CNTNAP5: variants seen among roughly 807,000 people sequenced by gnomAD.
The protein encoded by CNTNAP5 is contactin-associated protein-like 5.
CNTNAP5 carries 72 observed loss-of-function variants against 150.2 expected under a neutral mutation model. The ratio of observed to expected loss-of-function variants is 0.48; its 90% CI spans 0.40 to 0.58. The LOEUF is 0.58. Among genes scored for constraint, CNTNAP5 ranks in the 20% least tolerant of loss-of-function variants. CNTNAP5 has a pLI of 0.00. For missense variants in CNTNAP5, 1,636 were observed against 1,626.2 expected, an observed-to-expected ratio of 1.01 and a Z score of -0.10; for synonymous variants, 672 against 619.8, an observed-to-expected ratio of 1.08 and a Z score of -1.25.
intron 3 of CNTNAP5, among the ~76,000 whole-genome samples, chr2:124,284,502 C>G (rs1337291142): frequency 2.0e-5 from 3 of 151,970 alleles, no homozygotes; most frequent in Non-Finnish European, 4.4e-5. Flanking sequence ...ATAGCTAATG[C>G]GTGTGGGGCT....
chr2:124,665,810 C>G (rs1394971540), intron 13 of CNTNAP5, among the ~76,000 whole-genome samples: 1 of 150,910 alleles, frequency 6.6e-6, no homozygotes, highest in South Asian at 2.1e-4. Context: ...GGCGGGAACC[C>G]GGGAGGAAGA....
intron 13 of CNTNAP5, among the ~76,000 whole-genome samples, chr2:124,745,710 C>T (rs1680590341): frequency 2.0e-5 from 3 of 152,180 alleles, no homozygotes; most frequent in Non-Finnish European, 4.4e-5. Flanking sequence ...TTAAAGATGA[C>T]ATAGGAATTG....
chr2:124,115,097 C>A (rs1280870836), intron 1 of CNTNAP5, among the ~76,000 whole-genome samples: 1 of 151,828 alleles, frequency 6.6e-6, no homozygotes, highest in Admixed American at 6.6e-5. Flanking sequence ...TATATAAAAT[C>A]AAGGATTCTA....
chr2:124,422,245 G>C lies in CNTNAP5; in HGVS notation c.529+4655G>C, dbSNP rs376983316. 3.9e-5 allele frequency among the ~76,000 whole-genome samples: 6 copies of C among 152,252 alleles called. No individual in the cohort carries two copies. In the South Asian group the frequency reaches 1.2e-3, roughly 32 times the overall value. ...ATAATTTTTCCAAAAGTTTAGTTGA[G>C]TATGTTGCTAAAGATTGGTAGAATT... On this transcript the variant is annotated intron_variant, in intron 4 of 23. Coordinates refer to ENST00000682447, the MANE Select transcript of CNTNAP5 (RefSeq NM_001367498.1).
chr2:124,907,589 CTATATT>C (rs1048611513), intron 22 of CNTNAP5, among the ~76,000 whole-genome samples: 67 of 148,156 alleles, frequency 4.5e-4, no homozygotes, highest in African/African-American at 1.6e-3. Flanking sequence ...ATATCTATAT[CTATATT>C]TATAGATCAA....
At chr2:124,201,214 C>T (rs1173396351) in intron 1 of CNTNAP5, among the ~76,000 whole-genome samples, 1 of 152,210 alleles carries the variant, frequency 6.6e-6, no homozygotes, top group Non-Finnish European at 1.5e-5. Flanking sequence ...AAGGACTTCT[C>T]TCTCAGCCTG....
intron 1 of CNTNAP5, among the ~76,000 whole-genome samples, chr2:124,109,545 C>T (rs912626151): frequency 1.2e-4 from 19 of 152,184 alleles, no homozygotes; most frequent in Non-Finnish European, 2.5e-4. Flanking sequence ...AAGTTGTGGT[C>T]CTTCAGGGAA....
chr2:124,027,640 A>T (rs1680933330), intron 1 of CNTNAP5, among the ~76,000 whole-genome samples: 1 of 152,232 alleles, frequency 6.6e-6, no homozygotes, highest in African/African-American at 2.4e-5. Context: ...ATCATTACCG[A>T]TGTAGTAATA....
At position 124,242,228 on chromosome 2, in the gene CNTNAP5, C is replaced by G. The variant is rs373476119; in HGVS notation, c.216C>G (p.Ser72=). 34 of 1,597,164 alleles carry G rather than the reference C, an allele frequency of 2.1e-5. No homozygotes were observed. Among genetic ancestry groups the G allele is most frequent in the Non-Finnish European group, 2.8e-5 (33 of 1,170,992 alleles). The change falls in exon 3 of 24, where the codon TCC becomes TCG. Residue 72 remains serine (S), a synonymous_variant. Coordinates refer to ENST00000682447, the MANE Select transcript of CNTNAP5 (RefSeq NM_001367498.1). ...CTGGCGGTTGGTCCCCAGCAGATTC[C>G]AATGCTCAACAGTGGCTCCAGATGG... ...VGTGGWSPAD[S]NAQQWLQMDL...
chr2:124,504,369 G>C lies in CNTNAP5; in HGVS notation c.1140G>C (p.Leu380=). ...TCAACTCCAGCGGCAGCTATTTGCT[G>C]CTGCCCGGCACCCCCCAAATTGATG... ...TFVNSSGSYL[L]LPGTPQIDGL... Residue 380 remains leucine (L), a synonymous_variant, in exon 8 of 24, where the codon CTG becomes CTC. Coordinates refer to ENST00000682447, the MANE Select transcript of CNTNAP5 (RefSeq NM_001367498.1). 6.2e-7 allele frequency: 1 copy of C among 1,613,910 alleles called. No individual in the cohort carries two copies. The highest frequency in any genetic ancestry group is 1.6e-4 in the Middle Eastern group (1 of 6,062).
chr2:124,068,725 G>C (rs1288000778), intron 1 of CNTNAP5, among the ~76,000 whole-genome samples: 1 of 151,440 alleles, frequency 6.6e-6, no homozygotes, highest in Non-Finnish European at 1.5e-5. Flanking sequence ...AGAAGAGAGA[G>C]AAAAGTAAGG....
intron 2 of CNTNAP5, among the ~76,000 whole-genome samples, chr2:124,229,445 T>C (rs892751177): frequency 3.3e-5 from 5 of 152,152 alleles, no homozygotes; most frequent in African/African-American, 4.8e-5. Context: ...AGAATTTTTG[T>C]TCTCTCACTT....
At chr2:124,843,430 G>T (rs562703980) in intron 19 of CNTNAP5, among the ~76,000 whole-genome samples, 2 of 151,342 alleles carry the variant, frequency 1.3e-5, no homozygotes, top group South Asian at 2.1e-4. Context: ...TGAGCATTTG[G>T]GCTGGTTCCA....
At chr2:124,517,379 G>C (rs1194337801) in intron 8 of CNTNAP5, among the ~76,000 whole-genome samples, 2 of 150,636 alleles carry the variant, frequency 1.3e-5, no homozygotes, top group Non-Finnish European at 3.0e-5. Context: ...TTATGGTGTT[G>C]GTAAAGAGGG....
intron 19 of CNTNAP5, among the ~76,000 whole-genome samples, chr2:124,815,667 C>G (rs1202655200): frequency 6.6e-6 from 1 of 152,136 alleles, no homozygotes; most frequent in Non-Finnish European, 1.5e-5. Context: ...ATGGGAAATA[C>G]ATGCTGAAAA....
At chr2:124,224,509 T>G (rs187714496) in intron 2 of CNTNAP5, among the ~76,000 whole-genome samples, 11,560 of 151,698 alleles carry the variant, frequency 0.076, 614 homozygotes, top group Non-Finnish European at 0.12. Context: ...TAGAGTAAAA[T>G]GTATATATAT....
At chr2:124,375,229 A>G (rs1041881396) in intron 3 of CNTNAP5, among the ~76,000 whole-genome samples, 2 of 151,802 alleles carry the variant, frequency 1.3e-5, no homozygotes, top group Non-Finnish European at 2.9e-5. Flanking sequence ...TATCTCTCCA[A>G]AGATATTTAT....
In CNTNAP5 at chr2:124,760,035, T is replaced by A. The variant is rs186779848; in HGVS notation, c.2235-3637T>A. On this transcript the variant is annotated intron_variant, in intron 14 of 23. Transcript: ENST00000682447. Reference sequence around the variant, plus strand: ...TCCTTAAACAAAGCTAAGACAGAATTATCAGCAAGCATCAGTGCAGCATTG... The same window carrying A: ...TCCTTAAACAAAGCTAAGACAGAATAATCAGCAAGCATCAGTGCAGCATTG... Among the ~76,000 whole-genome samples the A allele has an allele frequency of 2.9e-3, 432 of 149,164 alleles. 2 individuals are homozygous for A. The highest frequency in any genetic ancestry group is 9.5e-4 in the Non-Finnish European group (64 of 67,658).
intron 2 of CNTNAP5, among the ~76,000 whole-genome samples, chr2:124,222,915 C>T (rs1232180121): frequency 6.6e-6 from 1 of 152,014 alleles, no homozygotes; most frequent in Non-Finnish European, 1.5e-5. Flanking sequence ...GCAAGTGTCA[C>T]TGGTTTGTTG....
Sources: allele counts gnomAD v4.1 joint callset (sites outside exome capture counted in the v4.1 genomes callset), GRCh38; gene constraint gnomAD v4.1.1; transcripts MANE v1.5; gene names NCBI Gene and HGNC (gene_info 2026-07-23, HGNC 2026-07-21).